Variants in PITPNC1 observed in about 807,000 individuals in gnomAD.
PITPNC1 encodes cytoplasmic phosphatidylinositol transfer protein 1.
A neutral mutation model predicts 44.7 loss-of-function variants in PITPNC1; 18 were observed. That is an observed-to-expected ratio of 0.40 (90% CI 0.28 to 0.60). PITPNC1 has a LOEUF of 0.60. Among genes scored for constraint, PITPNC1 ranks in the 20% least tolerant of loss-of-function variants. The pLI is 0.39. For synonymous variants in PITPNC1, 141 were observed against 149.6 expected, an observed-to-expected ratio of 0.94 and a Z score of 0.42; for missense variants, 290 against 418.4, an observed-to-expected ratio of 0.69 and a Z score of 2.68.
intron 1 of PITPNC1, among the ~76,000 whole-genome samples, chr17:67,435,108 C>CAAAAA (rs555005702): frequency 2.5e-4 from 19 of 76,658 alleles, no homozygotes; most frequent in African/African-American, 4.1e-4. Flanking sequence ...GACTCCATCT[C>CAAAAA]AAAAAAAAAA....
At chr17:67,608,539 G>A (rs570918318) in intron 5 of PITPNC1, among the ~76,000 whole-genome samples, 1 of 147,690 alleles carries the variant, frequency 6.8e-6, no homozygotes, top group East Asian at 2.0e-4. Flanking sequence ...TGCCCAGTCT[G>A]GAGTGCAATG....
chr17:67,587,343 A>T (rs1038725050), intron 5 of PITPNC1, among the ~76,000 whole-genome samples: 5 of 151,668 alleles, frequency 3.3e-5, no homozygotes, highest in African/African-American at 4.8e-5. Context: ...AAAAAAATTT[A>T]ATTAGCTGGA....
At chr17:67,429,130 C>G (rs1037219630) in intron 1 of PITPNC1, among the ~76,000 whole-genome samples, 2 of 152,078 alleles carry the variant, frequency 1.3e-5, no homozygotes, top group Non-Finnish European at 2.9e-5. Context: ...CATGAGCCAC[C>G]ACGCCCGGCT....
chr17:67,678,463 C>T (rs2042644109), intron 8 of PITPNC1, among the ~76,000 whole-genome samples: 1 of 152,136 alleles, frequency 6.6e-6, no homozygotes, highest in Non-Finnish European at 1.5e-5. Context: ...CCTTGCACTC[C>T]CCAGAGTGGG....
At chr17:67,599,690 C>T (rs543567134) in intron 5 of PITPNC1, among the ~76,000 whole-genome samples, 11 of 152,160 alleles carry the variant, frequency 7.2e-5, no homozygotes, top group South Asian at 2.1e-4. Context: ...TTTATGAAAA[C>T]GAGAGACATG....
At chr17:67,398,188 C>A (rs2038251044) in intron 1 of PITPNC1, among the ~76,000 whole-genome samples, 1 of 151,978 alleles carries the variant, frequency 6.6e-6, no homozygotes, top group South Asian at 2.1e-4. Context: ...TGGTTTCAGA[C>A]CATGAATTTT....
In PITPNC1 at chr17:67,506,258, A is replaced by G. The variant is rs751410556; in HGVS notation, c.49-26544A>G. Among the ~76,000 whole-genome samples, 8 of 152,370 alleles carry G rather than the reference A, an allele frequency of 5.3e-5. No homozygotes were observed. In the South Asian group the frequency reaches 1.7e-3, roughly 32 times the overall value. ...CACTGCTGAAGAAAAGGAAATGAAG[A>G]AAAGGTGAAGTAAGATTTTACACAC... On this transcript the variant is annotated intron_variant, in intron 1 of 8. Coordinates refer to ENST00000581322, the MANE Select transcript of PITPNC1 (RefSeq NM_012417.4).
intron 1 of PITPNC1, among the ~76,000 whole-genome samples, chr17:67,513,881 A>C (rs993557479): frequency 6.6e-6 from 1 of 152,066 alleles, no homozygotes; most frequent in Admixed American, 6.6e-5. Flanking sequence ...TTGTAATTAG[A>C]TAGTGTCTCT....
chr17:67,444,807 G>T (rs1207762810), intron 1 of PITPNC1, among the ~76,000 whole-genome samples: 3 of 152,022 alleles, frequency 2.0e-5, no homozygotes, highest in Non-Finnish European at 4.4e-5. Flanking sequence ...TGAGGCAGGA[G>T]AATCTCTTGA....
intron 1 of PITPNC1, among the ~76,000 whole-genome samples, chr17:67,380,511 A>C (rs1274315527): frequency 6.6e-6 from 1 of 152,200 alleles, no homozygotes; most frequent in African/African-American, 2.4e-5. Context: ...TTCTGAAGTC[A>C]TTTTCGGCTT....
intron 6 of PITPNC1, among the ~76,000 whole-genome samples, chr17:67,662,060 T>C (rs2042356890): frequency 6.6e-6 from 1 of 152,054 alleles, no homozygotes; most frequent in Non-Finnish European, 1.5e-5. Context: ...AGCCAGTACA[T>C]GCCCTGAAAA....
At chr17:67,537,540 C>T (rs1024352499) in intron 2 of PITPNC1, among the ~76,000 whole-genome samples, 1 of 152,082 alleles carries the variant, frequency 6.6e-6, no homozygotes, top group African/African-American at 2.4e-5. Context: ...TTGTGGAAGA[C>T]GTTTTAAAAG....
intron 6 of PITPNC1, among the ~76,000 whole-genome samples, chr17:67,647,027 A>T (rs1165883265): frequency 6.6e-6 from 1 of 152,200 alleles, no homozygotes; most frequent in Non-Finnish European, 1.5e-5. Context: ...TCACTCTAAG[A>T]AATAGTTCCC....
chr17:67,479,518 G>T (rs2039676078), intron 1 of PITPNC1, among the ~76,000 whole-genome samples: 1 of 152,198 alleles, frequency 6.6e-6, no homozygotes, highest in South Asian at 2.1e-4. Flanking sequence ...AGCACTTGAT[G>T]ACTTGATTCC....
chr17:67,398,826 G>T (rs2038261178), intron 1 of PITPNC1, among the ~76,000 whole-genome samples: 1 of 151,944 alleles, frequency 6.6e-6, no homozygotes, highest in African/African-American at 2.4e-5. Context: ...GTTCATTGTT[G>T]TGGCATAGAG....
At chr17:67,649,581 C>T (rs1188856688) in intron 6 of PITPNC1, among the ~76,000 whole-genome samples, 1 of 152,152 alleles carries the variant, frequency 6.6e-6, no homozygotes, top group Non-Finnish European at 1.5e-5. Context: ...AAAGCTGCCC[C>T]ACTTCTCACT....
chr17:67,584,061 C>T (rs77481820), intron 5 of PITPNC1, among the ~76,000 whole-genome samples: 1,586 of 151,940 alleles, frequency 0.01, 9 homozygotes, highest in Non-Finnish European at 0.018. Context: ...TTTACAGTTC[C>T]CCCAGGTGAA....
In PITPNC1 at chr17:67,495,040, GTTTTTTTT is replaced by G. The variant is rs879366971; in HGVS notation, c.49-37758_49-37751del. On this transcript the variant is annotated intron_variant, in intron 1 of 8. Transcript: ENST00000581322. ...TTTGGCAATATTGAGCCATGGAGTT[GTTTTTTTT>G]TTTGTTTTTTTTTTTTTTTTTTTTT... Among the ~76,000 whole-genome samples the G allele has an allele frequency of 2.8e-4, 18 of 64,708 alleles. No individual in the cohort carries two copies. In the East Asian group the frequency reaches 3.8e-3, roughly 14 times the overall value. The allele number at this position is 64,708 out of a possible 152,430, so 42.5% of individuals were successfully genotyped here.
chr17:67,552,124 G>T, intron 2 of PITPNC1, 133 bp from the exon 3 acceptor site: 1 of 642,522 alleles, frequency 1.6e-6, no homozygotes, highest in Admixed American at 2.5e-5. Flanking sequence ...AAGAGATGGG[G>T]AAAGGGCAGC....
Sources: allele counts gnomAD v4.1 joint callset (sites outside exome capture counted in the v4.1 genomes callset), GRCh38; gene constraint gnomAD v4.1.1; transcripts MANE v1.5; gene names NCBI Gene and HGNC (gene_info 2026-07-23, HGNC 2026-07-21).